The following RTTN variants were observed in gnomAD, a reference collection of about 807,000 sequenced individuals.
RTTN encodes the protein rotatin.
Under a neutral mutation model 269.2 loss-of-function variants are expected in RTTN, and 182 were observed. The observed-to-expected ratio is 0.68, with a 90% CI of 0.60 to 0.76. The LOEUF (loss-of-function observed/expected upper bound fraction) is 0.76. RTTN is among the 30% of genes least tolerant of loss of function. RTTN has a pLI of 0.00. For missense variants in RTTN, 2,545 were observed against 2,608.6 expected, an observed-to-expected ratio of 0.98 and a Z score of 0.53; for synonymous variants, 1,006 against 963.5, an observed-to-expected ratio of 1.04 and a Z score of -0.82.
At chr18:70,150,216 T>C in intron 15 of RTTN, 129 bp from the exon 16 acceptor site, 3 of 659,556 alleles carry the variant, frequency 4.5e-6, no homozygotes, top group Non-Finnish European at 8.2e-6. Context: ...CAAATGTTCG[T>C]ACTTCCACAG....
At chr18:70,109,343 A>G (rs2059400986) in intron 28 of RTTN, among the ~76,000 whole-genome samples, 155 bp downstream of exon 28, 1 of 152,232 alleles carries the variant, frequency 6.6e-6, no homozygotes, top group Non-Finnish European at 1.5e-5. Context: ...TTACTTAACT[A>G]TTAATAAAAA....
At chr18:70,123,915 G>A (rs930759994) in intron 25 of RTTN, among the ~76,000 whole-genome samples, 2 of 151,998 alleles carry the variant, frequency 1.3e-5, no homozygotes, top group Admixed American at 1.3e-4. Flanking sequence ...GGAAAAGAAA[G>A]GCAGTAGCCC....
In RTTN at chr18:70,065,147, T is replaced by C. The variant is rs551142004; in HGVS notation, c.4747+682A>G. Among the ~76,000 whole-genome samples, 154 of 152,220 alleles carry C rather than the reference T, an allele frequency of 1.0e-3. No individual in the cohort carries two copies. The Middle Eastern group carries it at 0.01, about 10-fold the overall frequency. On this transcript the variant is annotated intron_variant, in intron 35 of 48. Transcript: ENST00000640769. ...AAGTTTTTCTAAATGTTTCAGAAAG[T>C]ATTTTTTCTGCATATACTTATATGT...
At chr18:70,137,428 C>T (rs1000204228) in intron 21 of RTTN, among the ~76,000 whole-genome samples, 2 of 152,118 alleles carry the variant, frequency 1.3e-5, no homozygotes, top group Non-Finnish European at 2.9e-5. Flanking sequence ...ATTTATTGTA[C>T]TCATTTGATC....
At chr18:70,193,974 AACATT>A (rs1404206714) in intron 7 of RTTN, among the ~76,000 whole-genome samples, 1 of 152,242 alleles carries the variant, frequency 6.6e-6, no homozygotes, top group African/African-American at 2.4e-5. Flanking sequence ...ACACCAAGGG[AACATT>A]ACAAGAAAGT....
chr18:70,018,133 G>A (rs963097170), intron 45 of RTTN, among the ~76,000 whole-genome samples: 1 of 152,152 alleles, frequency 6.6e-6, no homozygotes, highest in African/African-American at 2.4e-5. Context: ...AGGTGTTGTT[G>A]TTGTTTTTAT....
intron 8 of RTTN, 91 bp downstream of exon 8, chr18:70,193,194 AAAG>A (rs2146114618): frequency 3.2e-6 from 4 of 1,256,228 alleles, no homozygotes; most frequent in East Asian, 2.5e-5. Flanking sequence ...AAAAAAAAAA[AAAG>A]GACAGAAAAA....
chr18:70,021,211 A>C (rs892933462), intron 44 of RTTN: 5 of 156,676 alleles, frequency 3.2e-5, no homozygotes, highest in African/African-American at 1.2e-4. Flanking sequence ...TATCCCTGGG[A>C]AAGCGGACAA....
chr18:70,116,710 C>T (rs1318521933), intron 26 of RTTN, among the ~76,000 whole-genome samples: 1 of 152,042 alleles, frequency 6.6e-6, no homozygotes, highest in African/African-American at 2.4e-5. Context: ...ATTTTGTTTA[C>T]ACACACAGTT....
intron 17 of RTTN, 107 bp downstream of exon 17, chr18:70,148,794 C>A (rs1051355793): frequency 1.5e-6 from 2 of 1,337,578 alleles, no homozygotes; most frequent in Admixed American, 1.9e-5. Flanking sequence ...TGGAATAACA[C>A]CCTCCTTAAA....
Position 70,080,388 on chromosome 18 carries a change from C to T in RTTN, c.4375-4847G>A, listed in dbSNP as rs138252859. 1.6e-3 allele frequency among the ~76,000 whole-genome samples: 241 copies of T among 152,050 alleles called. 2 individuals carry two copies. Among genetic ancestry groups the T allele is most frequent in the Admixed American group, 2.9e-3 (44 of 15,252 alleles). Reference sequence around the variant, plus strand: ...GGACAGTCTAGAACACTTTGCTGTACCAGAAGTAAGGAAATGGCTCAAATA... The same window carrying T: ...GGACAGTCTAGAACACTTTGCTGTATCAGAAGTAAGGAAATGGCTCAAATA... On this transcript the variant is annotated intron_variant, in intron 32 of 48. Coordinates refer to ENST00000640769, the MANE Select transcript of RTTN (RefSeq NM_173630.4).
chr18:70,044,532 C>A (rs1034163739), intron 40 of RTTN, among the ~76,000 whole-genome samples: 1 of 152,114 alleles, frequency 6.6e-6, no homozygotes, highest in African/African-American at 2.4e-5. Flanking sequence ...TACCCAACTC[C>A]ATATATTCTA....
At position 70,065,939 on chromosome 18, in the gene RTTN, T is replaced by G; in HGVS notation, c.4654-17A>C. 6.6e-7 allele frequency: 1 copy of G among 1,525,998 alleles called. No individual in the cohort carries two copies. Among genetic ancestry groups the G allele is most frequent in the East Asian group, 2.3e-5 (1 of 43,914 alleles). The allele number at this position is 1,525,998 out of a possible 1,614,324, so 94.5% of individuals were successfully genotyped here. On this transcript the variant is annotated splice_polypyrimidine_tract_variant and intron_variant, in intron 34 of 48. Transcript: ENST00000640769. ...AGGTGCCACCTATGAATCAGTAAAT[T>G]ATTTTACTTATTAATGTTACAGTAC...
chr18:70,106,032 A>C (rs1376382210), intron 28 of RTTN, among the ~76,000 whole-genome samples: 1 of 152,236 alleles, frequency 6.6e-6, no homozygotes, highest in East Asian at 1.9e-4. Context: ...ATAAGCTCAT[A>C]GTCTACTAGA....
chr18:70,010,210 T>C (rs2056326806), intron 46 of RTTN, among the ~76,000 whole-genome samples: 1 of 152,166 alleles, frequency 6.6e-6, no homozygotes, highest in Non-Finnish European at 1.5e-5. Flanking sequence ...TATTCAGGAC[T>C]TGAACTCAAC....
Position 70,060,023 on chromosome 18 carries a change from T to G in RTTN, c.4767A>C (p.Ser1589=), listed in dbSNP as rs760036113. Reference sequence around the variant, plus strand: ...GAGATGAATCATGAGGTGGCCGTGGTGATGTACTTTCCTGGTGACCTATTA... The same window carrying G: ...GAGATGAATCATGAGGTGGCCGTGGGGATGTACTTTCCTGGTGACCTATTA... The part of the protein sequence containing the change: ...FVAQGHQEST[S]PRPPHDSSLS... The change falls in exon 36 of 49, where the codon TCA becomes TCC. Residue 1589 remains serine, a synonymous_variant. Coordinates refer to ENST00000640769, the MANE Select transcript of RTTN (RefSeq NM_173630.4). The G allele has an allele frequency of 1.2e-6, 2 of 1,612,124 alleles. No homozygotes were observed. Among genetic ancestry groups the G allele is most frequent in the Non-Finnish European group, 8.5e-7 (1 of 1,179,024 alleles).
In RTTN at chr18:70,127,692, T is replaced by C; in HGVS notation, c.3193A>G (p.Ile1065Val). The part of the protein sequence containing the change: ...LSTEDILTLK[I>V]THMASGLQDC... ...TGCAGCCCACTAGCCATGTGTGTTA[T>C]CTTCAGAGTGAGGATGTCCTCTGTA... The change falls in exon 25 of 49, where the codon ATA becomes GTA. Residue 1065 changes from isoleucine (I) to valine (V), a missense_variant. Coordinates refer to ENST00000640769, the MANE Select transcript of RTTN (RefSeq NM_173630.4). The C allele has an allele frequency of 1.2e-6, 2 of 1,613,352 alleles. No homozygotes were observed. Among genetic ancestry groups the C allele is most frequent in the East Asian group, 2.2e-5 (1 of 44,860 alleles).
chr18:70,039,059 A>G (rs1024795437), intron 40 of RTTN, among the ~76,000 whole-genome samples: 6 of 152,148 alleles, frequency 3.9e-5, no homozygotes, highest in Non-Finnish European at 5.9e-5. Flanking sequence ...AAAAATGAGA[A>G]TAAAGAAGAA....
Position 70,092,707 on chromosome 18 carries a change from G to A in RTTN, c.4001C>T (p.Ser1334Phe), listed in dbSNP as rs754523239. Residue 1334 changes from serine (S) to phenylalanine (F), a missense_variant, in exon 29 of 49, where the codon TCC becomes TTC. Coordinates refer to ENST00000640769, the MANE Select transcript of RTTN (RefSeq NM_173630.4). Reference sequence around the variant, plus strand: ...CCCAGCCTGGGCCATCATCTCATGGGATAAGTGAAGCAAGCAAAGAATTGT... The same window carrying A: ...CCCAGCCTGGGCCATCATCTCATGGAATAAGTGAAGCAAGCAAAGAATTGT... ...KSTILCLLHL[S>F]HEMMAQAGSL... 36 of 1,613,294 alleles carry A rather than the reference G, an allele frequency of 2.2e-5. No individual in the cohort carries two copies. Among genetic ancestry groups the A allele is most frequent in the Non-Finnish European group, 2.9e-5 (34 of 1,179,522 alleles).
Sources: allele counts gnomAD v4.1 joint callset (sites outside exome capture counted in the v4.1 genomes callset), GRCh38; gene constraint gnomAD v4.1.1; transcripts MANE v1.5; gene names NCBI Gene and HGNC (gene_info 2026-07-23, HGNC 2026-07-21).